Variants in LPIN1 observed in about 807,000 individuals in gnomAD.
The protein encoded by LPIN1 is lipin 1.
A neutral mutation model predicts 107.5 loss-of-function variants in LPIN1; 71 were observed. That is an observed-to-expected ratio of 0.66 (90% CI 0.55 to 0.80). The LOEUF is 0.80. Ranked by LOEUF, LPIN1 falls within the 30% of genes least tolerant of loss-of-function variation. LPIN1 has a pLI of 0.00. For synonymous variants in LPIN1, 445 were observed against 452.6 expected (o/e 0.98, Z 0.21); for missense variants, 1,043 against 1,160.6 (o/e 0.90, Z 1.47).
chr2:11,822,090 A>C (rs567419731), intron 20 of LPIN1, among the ~76,000 whole-genome samples: 1 of 152,198 alleles, frequency 6.6e-6, no homozygotes, highest in South Asian at 2.1e-4. Flanking sequence ...GTCTGTTTTC[A>C]TGCTGTTAAT....
intron 1 of LPIN1, among the ~76,000 whole-genome samples, chr2:11,735,220 A>T (rs1255466571): frequency 6.6e-6 from 1 of 151,064 alleles, no homozygotes; most frequent in African/African-American, 2.4e-5. Context: ...TGAGCCTGGG[A>T]GGCAGAGGTT....
upstream of LPIN1, among the ~76,000 whole-genome samples, chr2:11,743,686 T>C (rs1666598008): frequency 6.6e-6 from 1 of 152,130 alleles, no homozygotes. This position sits in a 1 kb window ranked among gnomAD's most constrained non-coding sequence, Gnocchi z 4.7. Flanking sequence ...AAGAATTCAT[T>C]GTCCTCTCTT....
At chr2:11,805,506 G>T in intron 17 of LPIN1, 1 of 379,114 alleles carries the variant, frequency 2.6e-6, no homozygotes, top group Non-Finnish European at 5.0e-6. Context: ...TGTTATATAT[G>T]CCAAGTGATT....
chr2:11,737,791 G>C, intron 1 of LPIN1, among the ~76,000 whole-genome samples: 1 of 152,164 alleles, frequency 6.6e-6, no homozygotes, highest in East Asian at 1.9e-4. Context: ...GTTGGTGGGT[G>C]TGTAAATTAG....
At chr2:11,795,297 A>T (rs773210002) in intron 13 of LPIN1, 111 bp from the exon 14 acceptor site, 1 of 865,128 alleles carries the variant, frequency 1.2e-6, no homozygotes, top group Admixed American at 1.8e-5. Flanking sequence ...TCATTGGGGA[A>T]TGGTCTATCT....
intron 6 of LPIN1, 41 bp from the exon 7 acceptor site, chr2:11,779,478 T>G (rs1227078729): frequency 6.2e-7 from 1 of 1,609,594 alleles, no homozygotes; most frequent in South Asian, 1.1e-5. Context: ...TTACAAAAGT[T>G]TCTTTTCCCA....
chr2:11,703,632 C>T (rs1210978144), intron 1 of LPIN1, among the ~76,000 whole-genome samples: 5 of 152,178 alleles, frequency 3.3e-5, no homozygotes, highest in African/African-American at 1.2e-4. Flanking sequence ...AACTGTATAA[C>T]AGGCAAACTC....
At chr2:11,766,045 T>C (rs922400828) in intron 2 of LPIN1, among the ~76,000 whole-genome samples, 6 of 152,254 alleles carry the variant, frequency 3.9e-5, no homozygotes, top group African/African-American at 1.4e-4. Context: ...GGCTGAGGGC[T>C]GGAATCATCT....
chr2:11,711,414 G>A (rs1663408551), intron 1 of LPIN1, among the ~76,000 whole-genome samples: 1 of 152,186 alleles, frequency 6.6e-6, no homozygotes, highest in Non-Finnish European at 1.5e-5. Context: ...ACCCCAGCAA[G>A]GATCCAGATT....
At chr2:11,693,459 GC>G (rs574887513) in intron 1 of LPIN1, among the ~76,000 whole-genome samples, 111 of 152,098 alleles carry the variant, frequency 7.3e-4, no homozygotes, top group African/African-American at 2.7e-3. Context: ...TGACTCCCAG[GC>G]CCCACCTTGG....
intron 1 of LPIN1, among the ~76,000 whole-genome samples, chr2:11,738,827 T>G (rs1302999127): frequency 6.6e-6 from 1 of 152,112 alleles, no homozygotes; most frequent in Admixed American, 6.5e-5. Context: ...AAGGAGTGCC[T>G]TGAGTCTTCA....
At chr2:11,772,282 G>A (rs1165722821) in intron 4 of LPIN1, among the ~76,000 whole-genome samples, 1 of 152,204 alleles carries the variant, frequency 6.6e-6, no homozygotes, top group Admixed American at 6.5e-5. Context: ...GACCCCAGGG[G>A]TTGGGGACCC....
Position 11,765,875 on chromosome 2 carries a change from A to T in LPIN1, c.192+142A>T. ...ATGGCCAGTCACGGAACTGACAGTG[A>T]CTAATTGAAATTATTCTAGTTAGTA... On this transcript the variant is annotated intron_variant, in intron 2 of 20. Coordinates refer to ENST00000674199, the MANE Select transcript of LPIN1 (RefSeq NM_001349206.2). The surrounding 1 kb of genome is among the most constrained non-coding windows in gnomAD (Gnocchi z 4.4). 1.5e-6 allele frequency: 1 copy of T among 678,380 alleles called. No homozygotes were observed. The highest frequency in any genetic ancestry group is 2.1e-5 in the South Asian group (1 of 47,124). 42.0% of individuals were successfully genotyped at this position (678,380 alleles called of 1,614,324 possible).
chr2:11,698,120 G>A (rs1662680774), intron 1 of LPIN1, among the ~76,000 whole-genome samples: 1 of 152,188 alleles, frequency 6.6e-6, no homozygotes, highest in Admixed American at 6.5e-5. Flanking sequence ...CTGTGACCCA[G>A]AATAGCTCAG....
intron 1 of LPIN1, among the ~76,000 whole-genome samples, chr2:11,735,291 C>CAAA (rs1213109442): frequency 5.6e-5 from 6 of 106,466 alleles, no homozygotes; most frequent in African/African-American, 1.8e-4. Context: ...GACTCTGTCT[C>CAAA]AAAAAAAAAA....
intron 5 of LPIN1, among the ~76,000 whole-genome samples, chr2:11,775,214 C>T (rs919763192): frequency 2.3e-4 from 35 of 152,248 alleles, no homozygotes; most frequent in African/African-American, 8.2e-4. Context: ...TTATATTGGA[C>T]AGTGCAGATA....
At chr2:11,709,221 A>G (rs1188176031) in intron 1 of LPIN1, among the ~76,000 whole-genome samples, 2 of 152,152 alleles carry the variant, frequency 1.3e-5, no homozygotes, top group African/African-American at 4.8e-5. Flanking sequence ...CTTTATCTCA[A>G]CAGAGGGTAC....
chr2:11,745,106 C>G (rs73183196), upstream of LPIN1: 1 of 152,270 alleles, frequency 6.6e-6, no homozygotes, highest in South Asian at 2.1e-4. Flanking sequence ...CTAAGCTGGC[C>G]TCCTCCCTGG....
At chr2:11,690,113 T>TA (rs1398520220) in intron 1 of LPIN1, among the ~76,000 whole-genome samples, 6 of 152,056 alleles carry the variant, frequency 3.9e-5, no homozygotes, top group East Asian at 3.9e-4. Context: ...TTGTTTTCAG[T>TA]AAAAAAAAGA....
Sources: allele counts gnomAD v4.1 joint callset (sites outside exome capture counted in the v4.1 genomes callset), GRCh38; gene constraint gnomAD v4.1.1; non-coding constraint Gnocchi (gnomAD v3.1); transcripts MANE v1.5; gene names NCBI Gene and HGNC (gene_info 2026-07-23, HGNC 2026-07-21).